DIS3: variants seen among roughly 807,000 people sequenced by gnomAD.
DIS3 encodes DIS3 exosome endoribonuclease and 3'-5' exoribonuclease, also known as exosome complex exonuclease RRP44.
In DIS3, 103 loss-of-function variants were observed where a neutral mutation model predicts 113.0. The ratio of observed to expected loss-of-function variants is 0.91; its 90% CI spans 0.78 to 1.07. The LOEUF (loss-of-function observed/expected upper bound fraction) is 1.07. Among genes scored for constraint, DIS3 ranks in the 50% least tolerant of loss-of-function variants. DIS3 has a pLI of 0.00. For missense variants in DIS3, 1,121 were observed against 1,167.1 expected (o/e 0.96, Z 0.58); for synonymous variants, 402 against 394.3 (o/e 1.02, Z -0.23).
Position 72,772,275 on chromosome 13 carries a change from C to T in DIS3, c.1387G>A (p.Asp463Asn), listed in dbSNP as rs2033904124. 1 of 1,598,636 alleles carries T rather than the reference C, an allele frequency of 6.3e-7. No individual in the cohort carries two copies. Among genetic ancestry groups the T allele is most frequent in the African/African-American group, 1.3e-5 (1 of 74,448 alleles). ...PKMPWSITEK[D>N]MKNREDLRHL... ...CTCAGGTCTTCTCGGTTTTTCATGTCCTAGAAGACATGAAATGATAAACAA... is the reference window on the plus strand; with the variant it reads ...CTCAGGTCTTCTCGGTTTTTCATGTTCTAGAAGACATGAAATGATAAACAA... The change falls in exon 10 of 21, where the codon GAC (aspartate) becomes AAC (asparagine). Residue 463 changes from aspartate (D) to asparagine (N), a missense_variant and splice_region_variant. Asp to Asn is a conservative substitution (Grantham distance 23). Transcript: ENST00000377767.
At position 72,770,993 on chromosome 13, in the gene DIS3, G is replaced by A. The variant is rs1436937388; in HGVS notation, c.1671-5C>T. 1 of 1,603,164 alleles carries A rather than the reference G, an allele frequency of 6.2e-7. No individual in the cohort carries two copies. The highest frequency in any genetic ancestry group is 1.7e-5 in the Admixed American group (1 of 58,758). On this transcript the variant is annotated splice_polypyrimidine_tract_variant and splice_region_variant and intron_variant, in intron 12 of 20. Coordinates refer to ENST00000377767, the MANE Select transcript of DIS3 (RefSeq NM_014953.5). ...CAAATACATGAAAATGCCAGCCTGTGAAGGAAAATACAGAGTATTTGTTAA... is the reference window on the plus strand; with the variant it reads ...CAAATACATGAAAATGCCAGCCTGTAAAGGAAAATACAGAGTATTTGTTAA...
chr13:72,773,567 T>G lies in DIS3; in HGVS notation c.1239+117A>C, dbSNP rs887147764. On this transcript the variant is annotated intron_variant, in intron 8 of 20. Transcript: ENST00000377767. ...ACTTACCAGGTCACTTTGTGAAATATCTCTAAATTTCAGTACAAATTCTAC... is the reference window on the plus strand; with the variant it reads ...ACTTACCAGGTCACTTTGTGAAATAGCTCTAAATTTCAGTACAAATTCTAC... 2.6e-6 allele frequency: 3 copies of G among 1,162,156 alleles called. No individual in the cohort carries two copies. In the African/African-American group the frequency reaches 4.7e-5, roughly 18 times the overall value. 72.0% of individuals were successfully genotyped at this position (1,162,156 alleles called of 1,614,324 possible).
chr13:72,761,009 T>C (rs1044543099), intron 19 of DIS3, among the ~76,000 whole-genome samples: 3 of 152,106 alleles, frequency 2.0e-5, no homozygotes, highest in African/African-American at 4.8e-5. Flanking sequence ...CTAAGGAGAA[T>C]AGGGAGTATG....
Position 72,781,014 on chromosome 13 carries a change from G to A in DIS3, c.229-11C>T, listed in dbSNP as rs1053703082. On this transcript the variant is annotated splice_polypyrimidine_tract_variant and intron_variant, in intron 1 of 20. Transcript: ENST00000377767. ...CTCAAGAACATCAATCTTAAAGAAA[G>A]ATAAAGTTAATTTTTCCTATATTCA... The A allele has an allele frequency of 6.3e-7, 1 of 1,586,416 alleles. No individual in the cohort carries two copies. Among genetic ancestry groups the A allele is most frequent in the South Asian group, 1.2e-5 (1 of 86,052 alleles).
rs753634806 is a variant in DIS3 at position 72,780,988 on chromosome 13, C to G, written c.244G>C (p.Asp82His). The G allele has an allele frequency of 1.9e-6, 3 of 1,603,312 alleles. No homozygotes were observed. In the Admixed American group the frequency reaches 5.3e-5, roughly 28 times the overall value. Residue 82 changes from aspartate to histidine, a missense_variant, in exon 2 of 21, where the codon GAC (aspartate) becomes CAC (histidine). By Grantham distance (81) the Asp-to-His change is moderately conservative. This residue lies in a region of DIS3 where 254 missense variants were observed against 232.2 expected (regional missense o/e 1.09). Transcript: ENST00000377767. ...ACAATTACATTCCTGATGGCAGGGT[C>G]CTCAAGAACATCAATCTTAAAGAAA... ...VLLHQIDVLE[D>H]PAIRNVIVLQ...
Position 72,779,466 on chromosome 13 carries a change from A to G in DIS3, c.387-1086T>C, listed in dbSNP as rs1324515484. Among the ~76,000 whole-genome samples the G allele has an allele frequency of 2.0e-5, 3 of 152,202 alleles. No homozygotes were observed. The East Asian group carries it at 5.8e-4, about 29-fold the overall frequency. On this transcript the variant is annotated intron_variant, in intron 2 of 20. Coordinates refer to ENST00000377767, the MANE Select transcript of DIS3 (RefSeq NM_014953.5). ...GAAAGACACAGTCATAAATTTTTGAATTGGTTTTAAACTTGGGTCTTTCTG... is the reference window on the plus strand; with the variant it reads ...GAAAGACACAGTCATAAATTTTTGAGTTGGTTTTAAACTTGGGTCTTTCTG...
At chr13:72,773,889 T>C in intron 7 of DIS3, 57 bp downstream of exon 7, 12 of 1,589,928 alleles carry the variant, frequency 7.5e-6, no homozygotes, top group Non-Finnish European at 1.0e-5. Context: ...AGAAAGGCTA[T>C]AAGTTCTATT....
At position 72,781,696 on chromosome 13, in the gene DIS3, G is replaced by C. The variant is rs199534378; in HGVS notation, c.137C>G (p.Pro46Arg). ...CAACGGAHEG[P>R]ALEPQPQDPA... ...GTCCTGGGGCTGCGGCTCCAGGGCC[G>C]GCCCCTCGTGCGCCCCTCCACACGC... Residue 46 changes from proline (P) to arginine (R), a missense_variant, in exon 1 of 21, where the codon CCG becomes CGG. Transcript: ENST00000377767. 4.5e-6 allele frequency: 7 copies of C among 1,559,856 alleles called. No individual in the cohort carries two copies. The highest frequency in any genetic ancestry group is 6.1e-6 in the Non-Finnish European group (7 of 1,153,306).
chr13:72,772,617 A>G (rs2033912228), intron 9 of DIS3, 76 bp downstream of exon 9: 2 of 1,462,128 alleles, frequency 1.4e-6, no homozygotes, highest in African/African-American at 2.9e-5. Context: ...CATATTTAAA[A>G]ACACATATAG....
intron 1 of DIS3, 113 bp from the exon 2 acceptor site, chr13:72,781,116 T>A (rs894487360): frequency 5.9e-6 from 8 of 1,351,792 alleles, no homozygotes; most frequent in Middle Eastern, 2.2e-4. Flanking sequence ...AAACACTGAA[T>A]AAGTTAAGCC....
rs568818645 is a variant in DIS3, at chr13:72,756,984, A to T, written c.*2811T>A. The T allele has an allele frequency of 6.6e-6, 1 of 152,202 alleles. No individual in the cohort carries two copies. Among genetic ancestry groups the T allele is most frequent in the Non-Finnish European group, 1.5e-5 (1 of 68,040 alleles). 9.4% of individuals were successfully genotyped at this position (152,202 alleles called of 1,614,324 possible). ...TGGCTTAACAGGGCTTTTTGAGTTA[A>T]GTGATATATTCCACGTAACCTGCTT... On this transcript the variant is annotated 3_prime_UTR_variant, in exon 21 of 21. Transcript: ENST00000377767.
chr13:72,766,503 G>A (rs1210496504), intron 14 of DIS3, among the ~76,000 whole-genome samples: 1 of 149,676 alleles, frequency 6.7e-6, no homozygotes, highest in East Asian at 2.0e-4. Flanking sequence ...AGTAACACCA[G>A]AAGATCCACA....
rs2034180775 is a variant in DIS3 at position 72,780,940 on chromosome 13, C to G, written c.292G>C (p.Val98Leu). 6.2e-7 allele frequency: 1 copy of G among 1,613,448 alleles called. No homozygotes were observed. Among genetic ancestry groups the G allele is most frequent in the Admixed American group, 1.7e-5 (1 of 59,874 alleles). Residue 98 changes from valine to leucine, a missense_variant, in exon 2 of 21, where the codon GTG becomes CTG. By Grantham distance (32) the Val-to-Leu change is conservative. Around this residue, in one of 3 missense-constraint regions of DIS3, gnomAD observed 254 missense variants for 232.2 expected, o/e 1.09. Coordinates refer to ENST00000377767, the MANE Select transcript of DIS3 (RefSeq NM_014953.5). ...VIVLQTVLQE[V>L]RNRSAPVYKR... is the part of the protein sequence containing the mutation. ...TATACGGGGGCACTGCGATTTCTCA[C>G]TTCTTGAAGAACTGTTTGTAGCACA...
intron 6 of DIS3, 48 bp from the exon 7 acceptor site, chr13:72,774,107 T>C (rs1484429635): frequency 7.6e-7 from 1 of 1,307,504 alleles, no homozygotes; most frequent in Admixed American, 2.3e-5. Flanking sequence ...CTAAGTATTA[T>C]CAGGCAATTT....
chr13:72,781,515 C>CAAAG (rs1276632518), intron 1 of DIS3, 90 bp downstream of exon 1: 1 of 1,442,488 alleles, frequency 6.9e-7, no homozygotes, highest in Non-Finnish European at 9.2e-7. Flanking sequence ...GTGACACTGC[C>CAAAG]AAAGACCCGC....
At chr13:72,773,603 A>G in intron 8 of DIS3, 81 bp downstream of exon 8, 2 of 1,430,732 alleles carry the variant, frequency 1.4e-6, no homozygotes, top group South Asian at 2.8e-5. Context: ...ATAAAAGTAG[A>G]TTGTTTTTAT....
chr13:72,777,534 TC>T, intron 3 of DIS3, 41 bp from the exon 4 acceptor site: 2 of 1,570,704 alleles, frequency 1.3e-6, no homozygotes, highest in Non-Finnish European at 1.7e-6. Context: ...AAGTGTTTTT[TC>T]CTTAGATATG....
intron 1 of DIS3, 99 bp downstream of exon 1, chr13:72,781,506 T>C (rs2034220253): frequency 7.0e-7 from 1 of 1,432,654 alleles, no homozygotes; most frequent in Non-Finnish European, 9.3e-7. Flanking sequence ...GCTAGGTATG[T>C]GACACTGCCA....
At chr13:72,766,586 CA>C (rs770797569) in intron 14 of DIS3, among the ~76,000 whole-genome samples, 2 of 152,146 alleles carry the variant, frequency 1.3e-5, no homozygotes, top group Non-Finnish European at 2.9e-5. Flanking sequence ...TAATAGGTTA[CA>C]AGTAGTGATG....
Sources: allele counts gnomAD v4.1 joint callset (sites outside exome capture counted in the v4.1 genomes callset), GRCh38; gene constraint gnomAD v4.1.1; regional missense constraint gnomAD v4.1.1; transcripts MANE v1.5; gene names NCBI Gene and HGNC (gene_info 2026-07-23, HGNC 2026-07-21).